PHACTR1: variants seen among roughly 807,000 people sequenced by gnomAD.
PHACTR1 encodes phosphatase and actin regulator 1.
Under a neutral mutation model 69.2 loss-of-function variants are expected in PHACTR1, and 16 were observed. The observed-to-expected ratio is 0.23, with a 90% CI of 0.16 to 0.35. The LOEUF (loss-of-function observed/expected upper bound fraction) is 0.35, where lower values mean the gene tolerates loss of function less well. PHACTR1 is among the 10% of genes least tolerant of loss of function. The pLI is 1.00. For synonymous variants in PHACTR1, 312 were observed against 284.5 expected, an observed-to-expected ratio of 1.10 and a Z score of -0.97; for missense variants, 510 against 734.7, an observed-to-expected ratio of 0.69 and a Z score of 3.54.
chr6:13,032,334 T>G (rs1247433167), intron 4 of PHACTR1, among the ~76,000 whole-genome samples: 1 of 152,258 alleles, frequency 6.6e-6, no homozygotes, highest in Non-Finnish European at 1.5e-5. Flanking sequence ...TATGTAATAA[T>G]GTGCTTTTAT....
At chr6:13,124,034 C>T (rs994798119) in intron 5 of PHACTR1, among the ~76,000 whole-genome samples, 3 of 152,104 alleles carry the variant, frequency 2.0e-5, no homozygotes, top group African/African-American at 7.2e-5. Flanking sequence ...GCAGATGATC[C>T]AAGGAAATAG....
At chr6:12,811,367 C>T (rs954685757) in intron 4 of PHACTR1, among the ~76,000 whole-genome samples, 4 of 152,168 alleles carry the variant, frequency 2.6e-5, no homozygotes, top group South Asian at 4.1e-4. Context: ...TAAGGCTACA[C>T]TGGAGAATAT....
intron 4 of PHACTR1, among the ~76,000 whole-genome samples, chr6:12,901,620 G>A (rs1354825096): frequency 2.0e-5 from 3 of 152,002 alleles, no homozygotes; most frequent in African/African-American, 2.4e-5. Flanking sequence ...TCAGCCTCCC[G>A]AGTAGCTGGG....
chr6:13,019,066 A>ATTTTT (rs369553785), intron 4 of PHACTR1, among the ~76,000 whole-genome samples: 3 of 134,628 alleles, frequency 2.2e-5, no homozygotes, highest in East Asian at 2.7e-4. Context: ...ATATATATAT[A>ATTTTT]TATATATATT....
intron 4 of PHACTR1, among the ~76,000 whole-genome samples, chr6:13,026,781 C>T (rs1294048228): frequency 6.6e-6 from 1 of 152,038 alleles, no homozygotes; most frequent in Non-Finnish European, 1.5e-5. Context: ...TGTGCATGTC[C>T]TCACCCCGTG....
chr6:13,186,219 A>T (rs1762809767), intron 7 of PHACTR1, among the ~76,000 whole-genome samples: 1 of 152,246 alleles, frequency 6.6e-6, no homozygotes, highest in African/African-American at 2.4e-5. Context: ...AAAAGGTCCC[A>T]TAAGCCTCCT....
In PHACTR1 at chr6:13,181,052, AT is replaced by A. The variant is rs202143835; in HGVS notation, c.497-1458del. Among the ~76,000 whole-genome samples the A allele has an allele frequency of 3.3e-3, 497 of 151,520 alleles. 4 individuals carry two copies. The highest frequency in any genetic ancestry group is 0.011 in the African/African-American group (471 of 41,312). On this transcript the variant is annotated intron_variant, in intron 6 of 14. Coordinates refer to ENST00000332995, the MANE Select transcript of PHACTR1 (RefSeq NM_030948.6). The stretch of plus-strand genomic sequence containing the variant: ...TGCTTTACACTGTCCGCTTCAGATG[AT>A]TTTTTTTTGGCATTCATTATATTTT...
intron 7 of PHACTR1, among the ~76,000 whole-genome samples, chr6:13,188,483 C>T (rs1009761646): frequency 1.3e-5 from 2 of 152,116 alleles, no homozygotes; most frequent in African/African-American, 2.4e-5. Flanking sequence ...TGAAAGGAAA[C>T]ACAGGACAAT....
intron 3 of PHACTR1, among the ~76,000 whole-genome samples, chr6:12,725,190 CTG>C (rs1290873937): frequency 6.6e-6 from 1 of 152,216 alleles, no homozygotes; most frequent in Non-Finnish European, 1.5e-5. Context: ...TTTGCCCACT[CTG>C]TGAAATCGGT....
chr6:13,084,002 G>A (rs139460658), intron 5 of PHACTR1, among the ~76,000 whole-genome samples: 39 of 152,090 alleles, frequency 2.6e-4, no homozygotes, highest in Non-Finnish European at 4.1e-4. Context: ...CATCCCATTA[G>A]ACACAGCCAT....
chr6:12,797,040 T>TGAGA (rs1554140349), intron 4 of PHACTR1, among the ~76,000 whole-genome samples: 5,551 of 133,324 alleles, frequency 0.042, 180 homozygotes, highest in South Asian at 0.075. Context: ...TGTGTGTGTG[T>TGAGA]GAGAGAGAGA....
chr6:12,801,446 G>A (rs938134196), intron 4 of PHACTR1, among the ~76,000 whole-genome samples: 1 of 152,108 alleles, frequency 6.6e-6, no homozygotes, highest in Non-Finnish European at 1.5e-5. Flanking sequence ...AGGCAAACTA[G>A]AGCAAGTTCA....
intron 4 of PHACTR1, chr6:12,933,769 A>T: frequency 6.2e-7 from 1 of 1,612,832 alleles, no homozygotes; most frequent in Non-Finnish European, 8.5e-7. Flanking sequence ...ACACTACATC[A>T]GCCCACATCT....
At chr6:12,878,805 G>A (rs774790974) in intron 4 of PHACTR1, among the ~76,000 whole-genome samples, 2 of 152,070 alleles carry the variant, frequency 1.3e-5, no homozygotes, top group Non-Finnish European at 2.9e-5. Flanking sequence ...AACTTCCTTG[G>A]GTCCTGAAAG....
intron 5 of PHACTR1, among the ~76,000 whole-genome samples, chr6:13,139,403 C>A (rs527672053): frequency 6.6e-6 from 1 of 152,218 alleles, no homozygotes; most frequent in Non-Finnish European, 1.5e-5. Flanking sequence ...GTCCTCTTCA[C>A]AAAAAGTTTG....
intron 11 of PHACTR1, chr6:13,274,621 G>C (rs1023251899): frequency 6.6e-6 from 1 of 152,244 alleles, no homozygotes; most frequent in Non-Finnish European, 1.5e-5. Context: ...CACACCAGGA[G>C]TACGGTTTCT....
chr6:12,864,742 A>G (rs1781289256), intron 4 of PHACTR1, among the ~76,000 whole-genome samples: 1 of 152,026 alleles, frequency 6.6e-6, no homozygotes, highest in African/African-American at 2.4e-5. Flanking sequence ...TCTAAGAAAT[A>G]ATTCCTTCAG....
chr6:12,903,677 C>G (rs1413312526), intron 4 of PHACTR1, among the ~76,000 whole-genome samples: 1 of 152,142 alleles, frequency 6.6e-6, no homozygotes, highest in Non-Finnish European at 1.5e-5. Flanking sequence ...ACTTTAATTA[C>G]TTTATTAAAG....
rs1179263534 is a variant in PHACTR1, at chr6:12,915,520, AG to A, written c.251-137844del. Among the ~76,000 whole-genome samples the A allele has an allele frequency of 2.1e-3, 308 of 146,252 alleles. 24 individuals are homozygous for A. Among genetic ancestry groups the A allele is most frequent in the African/African-American group, 3.3e-3 (126 of 38,276 alleles). ...AAACTCTCTCTCAAAAAAAAAAAAA[AG>A]AAAAAAAAAAAAAACAGGAGGAGAA... On this transcript the variant is annotated intron_variant, in intron 4 of 14. Transcript: ENST00000332995.
Sources: gnomAD v4.1 joint callset for allele counts (sites outside exome capture counted in the v4.1 genomes callset) on GRCh38, gnomAD v4.1.1 for gene constraint, MANE v1.5 for transcripts, NCBI Gene and HGNC (gene_info 2026-07-23, HGNC 2026-07-21) for gene names.